The following SLC25A21 variants were observed in gnomAD, a reference collection of about 807,000 sequenced individuals.
SLC25A21 encodes solute carrier family 25 member 21, also known as mitochondrial 2-oxodicarboxylate carrier.
SLC25A21 carries 47 observed loss-of-function variants against 43.8 expected under a neutral mutation model. That is an observed-to-expected ratio of 1.07 (90% CI 0.85 to 1.37). SLC25A21 has a LOEUF of 1.37. Ranked by LOEUF, SLC25A21 falls within the 40% of genes most tolerant of loss-of-function variation. The pLI is 0.00. For synonymous variants in SLC25A21, 131 were observed against 121.3 expected, an observed-to-expected ratio of 1.08 and a Z score of -0.52; for missense variants, 352 against 350.2, an observed-to-expected ratio of 1.00 and a Z score of -0.04.
chr14:36,870,054 G>C (rs1890324953), intron 2 of SLC25A21, among the ~76,000 whole-genome samples: 1 of 152,110 alleles, frequency 6.6e-6, no homozygotes, highest in Non-Finnish European at 1.5e-5. Context: ...ATTAACTCCA[G>C]AAAAATAATC....
intron 2 of SLC25A21, among the ~76,000 whole-genome samples, chr14:36,829,508 A>C (rs1201726792): frequency 6.6e-6 from 1 of 151,930 alleles, no homozygotes; most frequent in East Asian, 1.9e-4. Context: ...GACAGCTCTA[A>C]CTCCTGGTGC....
Position 36,684,775 on chromosome 14 carries a change from T to C in SLC25A21, c.754A>G (p.Lys252Glu). The C allele has an allele frequency of 6.2e-7, 1 of 1,610,660 alleles. No homozygotes were observed. The highest frequency in any genetic ancestry group is 1.1e-5 in the South Asian group (1 of 90,078). ...TCCTGATAGACTGTTGCCATTGTTTTAAAACAGGTTCTGTACTTGATCTCT... is the reference window on the plus strand; with the variant it reads ...TCCTGATAGACTGTTGCCATTGTTTCAAAACAGGTTCTGTACTTGATCTCT... ...PGEIKYRTCFKTMATVYQEEG... is the reference protein window; with the variant it reads ...PGEIKYRTCFETMATVYQEEG... Residue 252 changes from lysine (K) to glutamate (E), a missense_variant, in exon 8 of 10, where the codon AAA (lysine) becomes GAA (glutamate). By Grantham distance (56) the Lys-to-Glu change is moderately conservative. Coordinates refer to ENST00000331299, the MANE Select transcript of SLC25A21 (RefSeq NM_030631.4).
intron 3 of SLC25A21, among the ~76,000 whole-genome samples, chr14:36,786,726 A>C (rs1048811592): frequency 2.0e-5 from 3 of 152,154 alleles, no homozygotes; most frequent in African/African-American, 7.2e-5. Flanking sequence ...GCGTTGTAAA[A>C]TGTCTTTTAA....
chr14:37,084,865 G>A (rs920646388), intron 1 of SLC25A21, among the ~76,000 whole-genome samples: 8 of 152,198 alleles, frequency 5.3e-5, no homozygotes, highest in Non-Finnish European at 1.2e-4. Context: ...ATAGAATTGA[G>A]AGTCCAGAAA....
At chr14:37,055,026 C>G (rs1252783188) in intron 1 of SLC25A21, among the ~76,000 whole-genome samples, 1 of 152,186 alleles carries the variant, frequency 6.6e-6, no homozygotes, top group Non-Finnish European at 1.5e-5. Context: ...TTGCTATAGA[C>G]CTTCATGGCT....
intron 3 of SLC25A21, among the ~76,000 whole-genome samples, chr14:36,767,229 C>T: frequency 6.6e-6 from 1 of 152,170 alleles, no homozygotes; most frequent in Non-Finnish European, 1.5e-5. Flanking sequence ...AACTGGCTTT[C>T]ATATAAAAAG....
At chr14:37,141,911 C>A (rs1046636012) in intron 1 of SLC25A21, among the ~76,000 whole-genome samples, 1 of 152,100 alleles carries the variant, frequency 6.6e-6, no homozygotes, top group African/African-American at 2.4e-5. Context: ...TCAGATAGAG[C>A]GACGTAAAAA....
chr14:37,127,985 G>C (rs1963326411), intron 1 of SLC25A21, among the ~76,000 whole-genome samples: 1 of 152,134 alleles, frequency 6.6e-6, no homozygotes, highest in Non-Finnish European at 1.5e-5. Context: ...AGAAACCTAA[G>C]AATTCAACAA....
At chr14:36,916,690 G>A (rs577215344) in intron 1 of SLC25A21, among the ~76,000 whole-genome samples, 1 of 152,234 alleles carries the variant, frequency 6.6e-6, no homozygotes, top group South Asian at 2.1e-4. Context: ...AACCATTAAG[G>A]TAATTACTGT....
chr14:36,982,059 T>C (rs1960037546), intron 1 of SLC25A21, among the ~76,000 whole-genome samples: 2 of 152,188 alleles, frequency 1.3e-5, no homozygotes, highest in South Asian at 4.1e-4. Flanking sequence ...TGATCCCATA[T>C]AGTCAAATAT....
rs193141355 is a variant in SLC25A21 at position 36,705,947 on chromosome 14, T to C, written c.603+5371A>G. Among the ~76,000 whole-genome samples, 571 of 152,320 alleles carry C rather than the reference T, an allele frequency of 3.7e-3. 3 individuals carry two copies. The highest frequency in any genetic ancestry group is 0.013 in the African/African-American group (541 of 41,576). On this transcript the variant is annotated intron_variant, in intron 7 of 9. Coordinates refer to ENST00000331299, the MANE Select transcript of SLC25A21 (RefSeq NM_030631.4). ...CCTCCTCATCAGGGTTTATAACAAC[T>C]TGATGACGTTCTTCAACATGTTTTA...
At chr14:37,113,410 A>G (rs929026102) in intron 1 of SLC25A21, among the ~76,000 whole-genome samples, 1 of 152,200 alleles carries the variant, frequency 6.6e-6, no homozygotes, top group African/African-American at 2.4e-5. Context: ...AAGATTGTGT[A>G]CACAAACTGG....
At chr14:36,904,301 C>T (rs903530159) in intron 1 of SLC25A21, among the ~76,000 whole-genome samples, 5 of 152,120 alleles carry the variant, frequency 3.3e-5, no homozygotes, top group Admixed American at 6.6e-5. Flanking sequence ...ACTCAAAGGG[C>T]CATCTAGTTT....
At chr14:37,043,479 T>C (rs181385139) in intron 1 of SLC25A21, among the ~76,000 whole-genome samples, 6 of 152,182 alleles carry the variant, frequency 3.9e-5, no homozygotes, top group African/African-American at 1.4e-4. Flanking sequence ...CTATCACCTC[T>C]GGGTTTTGGC....
intron 1 of SLC25A21, among the ~76,000 whole-genome samples, chr14:36,984,364 A>G (rs946883297): frequency 6.6e-6 from 1 of 152,170 alleles, no homozygotes; most frequent in Non-Finnish European, 1.5e-5. Context: ...TTTGCCCCCA[A>G]AAGGGGGAAA....
intron 1 of SLC25A21, among the ~76,000 whole-genome samples, chr14:37,080,378 A>C (rs1962363143): frequency 6.6e-6 from 1 of 152,094 alleles, no homozygotes. Flanking sequence ...AGATTGCTTG[A>C]CCTCAGGAAT....
chr14:36,990,028 A>C (rs1444157132), intron 1 of SLC25A21, among the ~76,000 whole-genome samples: 1 of 152,174 alleles, frequency 6.6e-6, no homozygotes, highest in Non-Finnish European at 1.5e-5. Flanking sequence ...TCTAAGTACG[A>C]GGGGTTTCTA....
At chr14:36,739,823 GT>G (rs1410856495) in intron 3 of SLC25A21, among the ~76,000 whole-genome samples, 1 of 152,148 alleles carries the variant, frequency 6.6e-6, no homozygotes, top group Non-Finnish European at 1.5e-5. Context: ...GCTTAGAGAG[GT>G]GAGTCCTCCT....
intron 1 of SLC25A21, among the ~76,000 whole-genome samples, chr14:37,052,291 C>T (rs529904794): frequency 3.3e-5 from 5 of 152,052 alleles, no homozygotes; most frequent in Non-Finnish European, 7.4e-5. Context: ...ATTGAAAAAT[C>T]GATAGTATAA....
Sources: gnomAD v4.1 joint callset for allele counts (sites outside exome capture counted in the v4.1 genomes callset) on GRCh38, gnomAD v4.1.1 for gene constraint, MANE v1.5 for transcripts, NCBI Gene and HGNC (gene_info 2026-07-23, HGNC 2026-07-21) for gene names.